Variants in RIMS2 observed in about 807,000 individuals in gnomAD.
RIMS2 encodes the protein regulating synaptic membrane exocytosis protein 2.
Under a neutral mutation model 174.4 loss-of-function variants are expected in RIMS2, and 59 were observed. The observed-to-expected ratio is 0.34, with a 90% CI of 0.27 to 0.42. RIMS2 has a LOEUF of 0.42. RIMS2 is among the 10% of genes least tolerant of loss of function. The pLI is 1.00. For synonymous variants in RIMS2, 606 were observed against 572.5 expected, an observed-to-expected ratio of 1.06 and a Z score of -0.84; for missense variants, 1,620 against 1,666.3, an observed-to-expected ratio of 0.97 and a Z score of 0.48.
At chr8:104,150,649 G>A (rs549856087) in intron 19 of RIMS2, among the ~76,000 whole-genome samples, 34 of 152,140 alleles carry the variant, frequency 2.2e-4, no homozygotes, top group Non-Finnish European at 4.4e-4. Context: ...ATAGATCCAT[G>A]ATATGTGCAG....
At chr8:103,581,107 C>T (rs894480709) in intron 1 of RIMS2, among the ~76,000 whole-genome samples, 2 of 151,964 alleles carry the variant, frequency 1.3e-5, no homozygotes, top group African/African-American at 4.8e-5. Flanking sequence ...AATGAGCCAC[C>T]ACACCTGGCC....
intron 2 of RIMS2, among the ~76,000 whole-genome samples, chr8:103,703,339 A>G (rs1022667718): frequency 2.0e-5 from 3 of 151,984 alleles, no homozygotes; most frequent in Admixed American, 6.6e-5. Flanking sequence ...GCAGATTCAC[A>G]TGATTCTCCT....
intron 1 of RIMS2, among the ~76,000 whole-genome samples, chr8:103,647,573 G>C (rs925420368): frequency 6.6e-6 from 1 of 152,064 alleles, no homozygotes; most frequent in African/African-American, 2.4e-5. Flanking sequence ...TGGGTTGGTA[G>C]GCTATCTATT....
intron 19 of RIMS2, among the ~76,000 whole-genome samples, chr8:104,138,007 A>C (rs938639109): frequency 6.6e-6 from 1 of 152,064 alleles, no homozygotes; most frequent in Non-Finnish European, 1.5e-5. Flanking sequence ...TAGTTGTTTT[A>C]ATTTTTAGCT....
At chr8:104,039,654 G>A (rs538178583) in intron 19 of RIMS2, among the ~76,000 whole-genome samples, 1 of 151,820 alleles carries the variant, frequency 6.6e-6, no homozygotes, top group East Asian at 1.9e-4. Context: ...TATTTTAGTA[G>A]TATGGAAAAT....
intron 3 of RIMS2, among the ~76,000 whole-genome samples, chr8:103,857,016 T>C (rs1256831372): frequency 6.6e-6 from 1 of 152,134 alleles, no homozygotes. Flanking sequence ...CTTTTAAATA[T>C]TTATGTATAG....
At chr8:103,952,530 G>A (rs2085741560) in intron 14 of RIMS2, among the ~76,000 whole-genome samples, 1 of 152,168 alleles carries the variant, frequency 6.6e-6, no homozygotes, top group Non-Finnish European at 1.5e-5. Flanking sequence ...CTGACTGTTG[G>A]AAGGAAACCG....
intron 1 of RIMS2, among the ~76,000 whole-genome samples, chr8:103,641,937 A>T (rs2096240656): frequency 6.6e-6 from 1 of 152,102 alleles, no homozygotes; most frequent in Non-Finnish European, 1.5e-5. Flanking sequence ...ACCCAGCCTA[A>T]TGTATTCCTT....
chr8:104,128,451 C>A (rs1203973592), intron 19 of RIMS2, among the ~76,000 whole-genome samples: 1 of 152,192 alleles, frequency 6.6e-6, no homozygotes, highest in Non-Finnish European at 1.5e-5. Context: ...AATCCCAGCA[C>A]TTTGGGAGGC....
intron 20 of RIMS2, among the ~76,000 whole-genome samples, chr8:104,246,204 G>T (rs1226575863): frequency 6.6e-6 from 1 of 152,172 alleles, no homozygotes; most frequent in Non-Finnish European, 1.5e-5. Flanking sequence ...CTTCCAGTGG[G>T]CCAGTCACTG....
At chr8:103,934,887 C>G (rs974270778) in intron 12 of RIMS2, among the ~76,000 whole-genome samples, 1 of 151,922 alleles carries the variant, frequency 6.6e-6, no homozygotes, top group South Asian at 2.1e-4. Flanking sequence ...TTGGTAGAGA[C>G]GGGGTTTCAC....
intron 2 of RIMS2, among the ~76,000 whole-genome samples, chr8:103,756,553 G>C (rs2098013055): frequency 6.6e-6 from 1 of 151,792 alleles, no homozygotes; most frequent in East Asian, 2.0e-4. Context: ...TCCTGTCTCA[G>C]CCCTATGGTG....
At chr8:103,955,529 GGCCTTAAACAAAATTCA>G (rs1427217570) in intron 14 of RIMS2, among the ~76,000 whole-genome samples, 3 of 152,052 alleles carry the variant, frequency 2.0e-5, no homozygotes, top group Non-Finnish European at 4.4e-5. Context: ...ATGCAGAAAA[GGCCTTAAACAAAATTCA>G]ACACCCCTTC....
At chr8:103,887,710 A>G in intron 4 of RIMS2, among the ~76,000 whole-genome samples, 1 of 151,620 alleles carries the variant, frequency 6.6e-6, no homozygotes, top group East Asian at 1.9e-4. Context: ...TGAAATGATT[A>G]TGGAATCATT....
At chr8:103,500,656 G>A (rs1369290717), upstream of RIMS2, 6 of 465,114 alleles carry the variant, frequency 1.3e-5, no homozygotes, top group Non-Finnish European at 1.9e-5. Flanking sequence ...CTTCGCCCCC[G>A]GGAAGAAGAA....
intron 19 of RIMS2, among the ~76,000 whole-genome samples, chr8:104,155,771 A>T (rs2134337014): frequency 6.6e-6 from 1 of 152,262 alleles, no homozygotes; most frequent in Non-Finnish European, 1.5e-5. Flanking sequence ...GCTTAAAAAG[A>T]TTCTTGCGAT....
At chr8:103,505,109 C>A (rs2130886492) in intron 1 of RIMS2, among the ~76,000 whole-genome samples, 1 of 152,150 alleles carries the variant, frequency 6.6e-6, no homozygotes, top group Middle Eastern at 3.4e-3. Flanking sequence ...CTGCCTTGGC[C>A]TCTCAAAGTG....
chr8:103,710,695 A>T (rs2097293340), intron 2 of RIMS2, among the ~76,000 whole-genome samples: 1 of 152,188 alleles, frequency 6.6e-6, no homozygotes, highest in Admixed American at 6.5e-5. Context: ...ATTTAGAAAA[A>T]AATAAATAAT....
intron 1 of RIMS2, among the ~76,000 whole-genome samples, chr8:103,518,134 A>G (rs1256045826): frequency 6.6e-6 from 1 of 152,150 alleles, no homozygotes; most frequent in Non-Finnish European, 1.5e-5. Context: ...TTAATTATGA[A>G]TGTGTCAGGA....
Sources: allele counts gnomAD v4.1 joint callset (sites outside exome capture counted in the v4.1 genomes callset), GRCh38; gene constraint gnomAD v4.1.1; transcripts MANE v1.5; gene names NCBI Gene and HGNC (gene_info 2026-07-23, HGNC 2026-07-21).